The following MARK2 variants were observed in gnomAD, a reference collection of about 807,000 sequenced individuals.
MARK2 encodes the protein serine/threonine-protein kinase MARK2.
In MARK2, 16 loss-of-function variants were observed where a neutral mutation model predicts 89.8. The ratio of observed to expected loss-of-function variants is 0.18; its 90% CI spans 0.12 to 0.27. The LOEUF is 0.27. MARK2 is among the 10% of genes least tolerant of loss of function. The pLI is 1.00. For synonymous variants in MARK2, 382 were observed against 399.5 expected (o/e 0.96, Z 0.52); for missense variants, 621 against 1,049.9 (o/e 0.59, Z 5.65).
At chr11:63,908,159 C>A (rs1941497757) in intron 17 of MARK2, 101 bp from the exon 18 acceptor site, 2 of 1,084,726 alleles carry the variant, frequency 1.8e-6, no homozygotes, top group Admixed American at 2.0e-5. Context: ...TCCTGCCCAC[C>A]CACTGGTGGC....
intron 1 of MARK2, among the ~76,000 whole-genome samples, chr11:63,893,114 A>C (rs974613050): frequency 6.6e-6 from 1 of 151,116 alleles, no homozygotes; most frequent in Non-Finnish European, 1.5e-5. Flanking sequence ...AGGTTTTACT[A>C]TGTTGGCCAG....
chr11:63,859,883 G>T (rs1937649278), intron 1 of MARK2, among the ~76,000 whole-genome samples: 1 of 152,212 alleles, frequency 6.6e-6, no homozygotes, highest in African/African-American at 2.4e-5. Flanking sequence ...ACCTGCCGTG[G>T]CCTCCTAAAG....
chr11:63,877,245 G>A (rs1274851390), intron 1 of MARK2, among the ~76,000 whole-genome samples: 2 of 151,074 alleles, frequency 1.3e-5, no homozygotes, highest in African/African-American at 4.9e-5. Flanking sequence ...TGAGTACCTG[G>A]GACTACAGGT....
intron 1 of MARK2, among the ~76,000 whole-genome samples, chr11:63,881,883 G>A (rs1939109245): frequency 1.3e-5 from 2 of 152,136 alleles, no homozygotes; most frequent in South Asian, 4.1e-4. Context: ...TTGAACCCAG[G>A]AGTTTGAGGA....
Position 63,903,647 on chromosome 11 carries a change from CA to C in MARK2, c.1515-338del, listed in dbSNP as rs1022981935. Among the ~76,000 whole-genome samples, 1 of 152,128 alleles carries C rather than the reference CA, an allele frequency of 6.6e-6. No individual in the cohort carries two copies. Among genetic ancestry groups the C allele is most frequent in the African/African-American group, 2.4e-5 (1 of 41,408 alleles). ...TTCTGAGTTTATGAAAGTTTCCCCT[CA>C]GCAACACCCCACTCTTTCTGTAGAA... is the stretch of plus-strand genomic sequence containing the variant. On this transcript the variant is annotated intron_variant, in intron 14 of 18. Coordinates refer to ENST00000402010, the MANE Select transcript of MARK2 (RefSeq NM_001039469.3). This position sits in a 1 kb window ranked among gnomAD's most constrained non-coding sequence, Gnocchi z 5.1.
At chr11:63,877,353 C>T (rs998384569) in intron 1 of MARK2, among the ~76,000 whole-genome samples, 9 of 151,994 alleles carry the variant, frequency 5.9e-5, no homozygotes, top group African/African-American at 2.2e-4. Context: ...TCAAGTGATC[C>T]GCCCGCCTCA....
At chr11:63,884,326 C>T (rs1260387047) in intron 1 of MARK2, among the ~76,000 whole-genome samples, 1 of 152,210 alleles carries the variant, frequency 6.6e-6, no homozygotes, top group Non-Finnish European at 1.5e-5. Context: ...GTGCTCTTTG[C>T]ATTGTGGCTT....
chr11:63,868,962 C>G (rs995184972), intron 1 of MARK2: 1 of 439,692 alleles, frequency 2.3e-6, no homozygotes, highest in Non-Finnish European at 4.6e-6. Flanking sequence ...GTCGCTTTTC[C>G]TGATTGACCC....
At chr11:63,868,906 G>A (rs771273080) in intron 1 of MARK2, 2 of 455,772 alleles carry the variant, frequency 4.4e-6, no homozygotes, top group Non-Finnish European at 8.8e-6. Context: ...AGCGCCTGAT[G>A]ATGGTGAGGA....
chr11:63,862,256 C>G (rs1376572927), intron 1 of MARK2, among the ~76,000 whole-genome samples: 2 of 152,192 alleles, frequency 1.3e-5, no homozygotes, highest in African/African-American at 4.8e-5. Context: ...GTAGATCTCA[C>G]TGTTTTACAG....
chr11:63,867,854 A>G (rs1297696522), intron 1 of MARK2, among the ~76,000 whole-genome samples: 1 of 152,124 alleles, frequency 6.6e-6, no homozygotes, highest in Non-Finnish European at 1.5e-5. Context: ...GTTCCTCTGA[A>G]AAAAAAACAA....
At chr11:63,857,040 T>A (rs2135228129) in intron 1 of MARK2, among the ~76,000 whole-genome samples, 1 of 151,742 alleles carries the variant, frequency 6.6e-6, no homozygotes, top group Non-Finnish European at 1.5e-5. Flanking sequence ...CTCGATCTCC[T>A]GACCTCATGA....
At chr11:63,840,080 C>T (rs2015932407) in intron 1 of MARK2, among the ~76,000 whole-genome samples, 1 of 152,172 alleles carries the variant, frequency 6.6e-6, no homozygotes, top group Non-Finnish European at 1.5e-5. Context: ...CCTTGCAGTT[C>T]CCCCAGCTTT....
At chr11:63,843,061 A>G (rs910989008) in intron 1 of MARK2, among the ~76,000 whole-genome samples, 3 of 151,638 alleles carry the variant, frequency 2.0e-5, no homozygotes, top group Non-Finnish European at 2.9e-5. Flanking sequence ...GTGACACCTG[A>G]TTCCAGATGT....
rs756781570 is a variant in MARK2, at chr11:63,900,762, C to T, written c.889-18C>T. 6 of 1,614,026 alleles carry T rather than the reference C, an allele frequency of 3.7e-6. No individual in the cohort carries two copies. Among genetic ancestry groups the T allele is most frequent in the South Asian group, 1.1e-5 (1 of 91,076 alleles). On this transcript the variant is annotated intron_variant, in intron 9 of 18. Transcript: ENST00000402010. This position sits in a 1 kb window ranked among gnomAD's most constrained non-coding sequence, Gnocchi z 4.7. Reference sequence around the variant, plus strand: ...TGAGTTTCTTCCCCCTGCCCTTTTCCTTCTCTGTGCTCCCCAGCAAATCAT... The same window carrying T: ...TGAGTTTCTTCCCCCTGCCCTTTTCTTTCTCTGTGCTCCCCAGCAAATCAT...
chr11:63,883,552 G>A (rs1228131323), intron 1 of MARK2, among the ~76,000 whole-genome samples: 2 of 151,948 alleles, frequency 1.3e-5, no homozygotes, highest in Non-Finnish European at 1.5e-5. Context: ...TGAACACCAC[G>A]TTCTATGGTA....
chr11:63,897,363 G>T (rs1370685336), intron 3 of MARK2, among the ~76,000 whole-genome samples: 1 of 152,222 alleles, frequency 6.6e-6, no homozygotes, highest in African/African-American at 2.4e-5. Flanking sequence ...CCTGAGGATT[G>T]GAAAGCCTTT....
chr11:63,878,704 G>A (rs1299123347), intron 1 of MARK2, among the ~76,000 whole-genome samples: 1 of 152,074 alleles, frequency 6.6e-6, no homozygotes, highest in Non-Finnish European at 1.5e-5. Context: ...CCCAGAGCTT[G>A]AAGACTAGGG....
At chr11:63,907,265 C>T (rs899962830) in intron 17 of MARK2, among the ~76,000 whole-genome samples, 1 of 152,104 alleles carries the variant, frequency 6.6e-6, no homozygotes, top group Admixed American at 6.5e-5. Flanking sequence ...CAGCTGTTGA[C>T]TGCATGACTG....
Sources: gnomAD v4.1 joint callset for allele counts (sites outside exome capture counted in the v4.1 genomes callset) on GRCh38, gnomAD v4.1.1 for gene constraint, Gnocchi (gnomAD v3.1) non-coding constraint, MANE v1.5 for transcripts, NCBI Gene and HGNC (gene_info 2026-07-23, HGNC 2026-07-21) for gene names.